Variants in TTC19 observed in about 807,000 individuals in gnomAD.
TTC19 encodes tetratricopeptide repeat protein 19, mitochondrial.
TTC19 carries 38 observed loss-of-function variants against 49.5 expected under a neutral mutation model. The ratio of observed to expected loss-of-function variants is 0.77; its 90% CI spans 0.59 to 1.01. TTC19 has a LOEUF of 1.01. TTC19 is among the 50% of genes least tolerant of loss of function. The probability of loss-of-function intolerance (pLI) is 0.00; values close to 1 mark genes in which losing one functional copy is unlikely to be tolerated. For synonymous variants in TTC19, 204 were observed against 185.2 expected, an observed-to-expected ratio of 1.10 and a Z score of -0.83; for missense variants, 475 against 477.7, an observed-to-expected ratio of 0.99 and a Z score of 0.05.
chr17:16,020,913 C>G (rs1210261721), intron 7 of TTC19, among the ~76,000 whole-genome samples: 1 of 152,172 alleles, frequency 6.6e-6, no homozygotes, highest in African/African-American at 2.4e-5. Flanking sequence ...GTCTCGACCT[C>G]TTGGGCTGAA....
chr17:16,024,694 A>G (rs141006905), intron 7 of TTC19: 97 of 352,648 alleles, frequency 2.8e-4, no homozygotes, highest in Middle Eastern at 9.4e-4. Context: ...TTTTTCTTAT[A>G]CCATACAGGT....
At chr17:16,004,010 G>T in intron 5 of TTC19, 123 bp downstream of exon 5, 1 of 1,199,288 alleles carries the variant, frequency 8.3e-7, no homozygotes, top group Non-Finnish European at 1.2e-6. Context: ...TCCCTTCTGA[G>T]ATCTCTATAC....
At chr17:16,038,363 T>C (rs1007929379) in intron 2 of TTC19, among the ~76,000 whole-genome samples, 27 of 152,202 alleles carry the variant, frequency 1.8e-4, no homozygotes, top group African/African-American at 6.5e-4. Flanking sequence ...ACAATGCTTA[T>C]CAGATACAAG....
In TTC19 at chr17:16,040,585, CTTT is replaced by C. The variant is rs920829626; in HGVS notation, c.248-3915_248-3913del. ...AAAAAATTCCTATAATAAAATTAATCTTTTTATTTTTCATGATCTCAACCTTTA... is the reference window on the plus strand; with the variant it reads ...AAAAAATTCCTATAATAAAATTAATCTTATTTTTCATGATCTCAACCTTTA... On this transcript the variant is annotated intron_variant, in intron 2 of 2. Coordinates refer to the TTC19 transcript ENST00000470649. 576 of 1,079,776 alleles carry C rather than the reference CTTT, an allele frequency of 5.3e-4. 5 individuals are homozygous for C. In the Middle Eastern group the frequency reaches 0.01, roughly 19 times the overall value. The allele number at this position is 1,079,776 out of a possible 1,614,324, so 66.9% of individuals were successfully genotyped here.
intron 6 of TTC19, 83 bp downstream of exon 6, chr17:16,004,345 C>T: frequency 7.7e-7 from 1 of 1,302,354 alleles, no homozygotes; most frequent in Non-Finnish European, 1.1e-6. Flanking sequence ...GTCTACTGGT[C>T]ATCTGGGTCT....
chr17:16,003,208 CAT>C (rs991671368), intron 4 of TTC19, among the ~76,000 whole-genome samples: 2 of 152,138 alleles, frequency 1.3e-5, no homozygotes, highest in African/African-American at 4.8e-5. Context: ...TAAATTTTAT[CAT>C]ATGACCATAT....
rs1971642335 is a variant in TTC19 at position 16,028,120 on chromosome 17, T to G, written c.*598T>G. On this transcript the variant is annotated 3_prime_UTR_variant, in exon 10 of 10. Coordinates refer to ENST00000261647, the MANE Select transcript of TTC19 (RefSeq NM_017775.4). ...AGGCACGTGACAGTATAGCACCCAT[T>G]TGAATTTAAATAAAAGTGAACCATA... 2.2e-6 allele frequency: 1 copy of G among 454,026 alleles called. No individual in the cohort carries two copies. Among genetic ancestry groups the G allele is most frequent in the South Asian group, 1.6e-5 (1 of 64,476 alleles). The allele number at this position is 454,026 out of a possible 1,614,324, so 28.1% of individuals were successfully genotyped here.
At chr17:16,015,940 G>C (rs1971201096) in intron 7 of TTC19, among the ~76,000 whole-genome samples, 1 of 151,660 alleles carries the variant, frequency 6.6e-6, no homozygotes, top group South Asian at 2.1e-4. Flanking sequence ...GTTTCTCCTT[G>C]GTTTTTGTTA....
At position 16,026,641 on chromosome 17, in the gene TTC19, G is replaced by A. The variant is rs1386635514; in HGVS notation, c.933G>A (p.Gln311=). Residue 311 remains glutamine, a synonymous_variant, in exon 9 of 10, where the codon CAG becomes CAA. Coordinates refer to ENST00000261647, the MANE Select transcript of TTC19 (RefSeq NM_017775.4). ...YMQRASDLAR[Q]INHPELHMVL... is the part of the protein sequence containing the mutation. Reference sequence around the variant, plus strand: ...AAAGGGCATCAGATCTGGCAAGACAGATAAATCATCCTGAGCTACACATGG... The same window carrying A: ...AAAGGGCATCAGATCTGGCAAGACAAATAAATCATCCTGAGCTACACATGG... The A allele has an allele frequency of 3.1e-6, 5 of 1,614,182 alleles. No homozygotes were observed. Among genetic ancestry groups the A allele is most frequent in the Middle Eastern group, 1.6e-4 (1 of 6,062 alleles).
chr17:16,024,763 T>G, intron 7 of TTC19: 1 of 493,012 alleles, frequency 2.0e-6, no homozygotes, highest in South Asian at 2.2e-5. Flanking sequence ...TATTTTCATT[T>G]GTTTCTGCTG....
chr17:16,003,309 G>A (rs899920435), intron 4 of TTC19, among the ~76,000 whole-genome samples: 3 of 152,050 alleles, frequency 2.0e-5, no homozygotes, highest in Non-Finnish European at 2.9e-5. Flanking sequence ...GGAGTGCGGT[G>A]GCTTAATCAT....
chr17:16,026,481 A>G (rs1971564951), intron 8 of TTC19, 59 bp from the exon 9 acceptor site: 6 of 1,543,858 alleles, frequency 3.9e-6, no homozygotes, highest in Non-Finnish European at 8.9e-7. Context: ...TGCACTCCAC[A>G]TTAAAGTTCT....
chr17:16,004,940 C>T (rs73978590), intron 6 of TTC19, among the ~76,000 whole-genome samples: 7 of 152,272 alleles, frequency 4.6e-5, no homozygotes, highest in Middle Eastern at 3.4e-3. Context: ...CTTCCTGGAG[C>T]CTTTGACTTC....
At chr17:16,018,253 C>T (rs1243699212) in intron 7 of TTC19, among the ~76,000 whole-genome samples, 1 of 119,094 alleles carries the variant, frequency 8.4e-6, no homozygotes, top group Non-Finnish European at 2.1e-5. Flanking sequence ...TTGCTTAGTC[C>T]CTGGTGAACC....
intron 7 of TTC19, among the ~76,000 whole-genome samples, chr17:16,018,340 C>T (rs1409396226): frequency 3.9e-5 from 6 of 152,138 alleles, no homozygotes; most frequent in Non-Finnish European, 1.5e-5. Flanking sequence ...ATGCTCTGGC[C>T]TCTTACCCTG....
At chr17:16,022,775 G>A (rs1212792324) in intron 7 of TTC19, among the ~76,000 whole-genome samples, 3 of 152,104 alleles carry the variant, frequency 2.0e-5, no homozygotes, top group Non-Finnish European at 4.4e-5. Flanking sequence ...AATATTTTGA[G>A]TAAAAAATTC....
intron 7 of TTC19, among the ~76,000 whole-genome samples, chr17:16,019,153 C>T (rs7211668): frequency 0.042 from 6,452 of 152,038 alleles, 311 homozygotes; most frequent in African/African-American, 0.12. Context: ...GCCAACATGG[C>T]GAAACCTTGT....
chr17:16,019,965 T>TAAAA, intron 7 of TTC19, among the ~76,000 whole-genome samples: 1 of 112,344 alleles, frequency 8.9e-6, no homozygotes, highest in Admixed American at 9.3e-5. Flanking sequence ...CATCTCTACT[T>TAAAA]AAAAAAAAAA....
intron 2 of TTC19, among the ~76,000 whole-genome samples, chr17:16,042,160 C>CAG (rs2057831838): frequency 6.6e-6 from 1 of 151,458 alleles, no homozygotes; most frequent in Admixed American, 6.6e-5. Context: ...TTTAAACTGA[C>CAG]AGAGGAGAAA....
Sources: allele counts gnomAD v4.1 joint callset (sites outside exome capture counted in the v4.1 genomes callset), GRCh38; gene constraint gnomAD v4.1.1; transcripts MANE v1.5; gene names NCBI Gene and HGNC (gene_info 2026-07-23, HGNC 2026-07-21).